The following LRBA variants were observed in gnomAD, a reference collection of about 807,000 sequenced individuals.
LRBA encodes the protein lipopolysaccharide-responsive and beige-like anchor protein.
In LRBA, 176 loss-of-function variants were observed where a neutral mutation model predicts 330.0. The ratio of observed to expected loss-of-function variants is 0.53; its 90% CI spans 0.47 to 0.60. The LOEUF (loss-of-function observed/expected upper bound fraction) is 0.60, where lower values mean the gene tolerates loss of function less well. Ranked by LOEUF, LRBA falls within the 20% of genes least tolerant of loss-of-function variation. LRBA has a pLI of 0.00. For missense variants in LRBA, 3,259 were observed against 3,444.8 expected, an observed-to-expected ratio of 0.95 and a Z score of 1.35; for synonymous variants, 1,230 against 1,193.0, an observed-to-expected ratio of 1.03 and a Z score of -0.64.
chr4:150,440,731 G>C (rs1279977515), intron 44 of LRBA, among the ~76,000 whole-genome samples: 2 of 152,060 alleles, frequency 1.3e-5, no homozygotes, highest in Admixed American at 6.6e-5. Flanking sequence ...ACTGTACTCA[G>C]CCTGGGTGAC....
chr4:150,325,988 C>T (rs1186060906), intron 48 of LRBA, 90 bp from the exon 49 acceptor site: 2 of 764,744 alleles, frequency 2.6e-6, no homozygotes, highest in African/African-American at 3.4e-5. Context: ...TCATTCCATA[C>T]TCTGGCTTGT....
intron 34 of LRBA, among the ~76,000 whole-genome samples, chr4:150,770,817 G>A (rs747909701): frequency 2.2e-4 from 33 of 152,264 alleles, no homozygotes; most frequent in Non-Finnish European, 4.3e-4. Context: ...GGTCTGGGCT[G>A]CTTTAGTAGT....
At chr4:150,824,559 T>C (rs1221437878) in intron 30 of LRBA, among the ~76,000 whole-genome samples, 1 of 152,192 alleles carries the variant, frequency 6.6e-6, no homozygotes, top group Non-Finnish European at 1.5e-5. Context: ...CTGTTCTTTA[T>C]GGCTTTTTAT....
At chr4:150,485,325 G>C (rs1001077852) in intron 42 of LRBA, among the ~76,000 whole-genome samples, 1 of 151,844 alleles carries the variant, frequency 6.6e-6, no homozygotes, top group African/African-American at 2.4e-5. Context: ...TGATGAACTG[G>C]CTCTTTTATC....
chr4:151,013,556 T>C (rs929200017), intron 2 of LRBA: 2 of 152,196 alleles, frequency 1.3e-5, no homozygotes, highest in Admixed American at 6.5e-5. Flanking sequence ...ATATGAATTA[T>C]ACCTCAATTT....
chr4:150,384,503 C>A (rs1581169253), intron 47 of LRBA, among the ~76,000 whole-genome samples: 1 of 152,154 alleles, frequency 6.6e-6, no homozygotes, highest in African/African-American at 2.4e-5. Flanking sequence ...GTGGCTGACT[C>A]CTAGTTAAGG....
At chr4:150,897,590 C>A in intron 15 of LRBA, 149 bp downstream of exon 15, 1 of 584,972 alleles carries the variant, frequency 1.7e-6, no homozygotes, top group Non-Finnish European at 3.0e-6. Context: ...CAAAAAAGAA[C>A]CAAAACAAAC....
At chr4:150,991,106 T>G (rs932993842) in intron 2 of LRBA, among the ~76,000 whole-genome samples, 7 of 141,702 alleles carry the variant, frequency 4.9e-5, no homozygotes, top group Admixed American at 2.8e-4. Flanking sequence ...AAGAGGAGGA[T>G]GAAGAGGAGG....
chr4:151,006,051 G>A (rs1258602041), intron 2 of LRBA, among the ~76,000 whole-genome samples: 2 of 152,130 alleles, frequency 1.3e-5, no homozygotes, highest in African/African-American at 2.4e-5. Flanking sequence ...TTGCGGAAAA[G>A]AATAATAGGG....
intron 2 of LRBA, among the ~76,000 whole-genome samples, chr4:151,004,163 A>C (rs1743744034): frequency 6.6e-6 from 1 of 152,134 alleles, no homozygotes. Context: ...CGGCCTCCCA[A>C]GTAGCTGAGA....
At chr4:150,364,030 T>G (rs1739084378) in intron 47 of LRBA, among the ~76,000 whole-genome samples, 1 of 152,212 alleles carries the variant, frequency 6.6e-6, no homozygotes, top group Non-Finnish European at 1.5e-5. Context: ...TGAGGTAGAA[T>G]GATTACATGG....
intron 40 of LRBA, among the ~76,000 whole-genome samples, chr4:150,516,098 G>A (rs1762307234): frequency 6.6e-6 from 1 of 150,952 alleles, no homozygotes; most frequent in African/African-American, 2.4e-5. Flanking sequence ...GTCAATAAAA[G>A]GATGAAAACA....
At chr4:150,346,627 T>C (rs532698797) in intron 48 of LRBA, among the ~76,000 whole-genome samples, 6 of 151,402 alleles carry the variant, frequency 4.0e-5, no homozygotes, top group African/African-American at 1.5e-4. Flanking sequence ...GGCATGGTGG[T>C]GCATGCCTGT....
At chr4:150,620,087 G>A (rs116687650) in intron 37 of LRBA, among the ~76,000 whole-genome samples, 2,098 of 152,070 alleles carry the variant, frequency 0.014, 18 homozygotes, top group Middle Eastern at 0.051. Context: ...GATTAAAAAC[G>A]TTAATGTTTC....
chr4:150,726,448 G>A (rs917549886), intron 36 of LRBA, among the ~76,000 whole-genome samples: 4 of 152,108 alleles, frequency 2.6e-5, no homozygotes, highest in African/African-American at 4.8e-5. Flanking sequence ...AGGATATAAC[G>A]ATTGTAAATA....
At chr4:150,738,094 G>A (rs111276321) in intron 35 of LRBA, among the ~76,000 whole-genome samples, 9 of 149,534 alleles carry the variant, frequency 6.0e-5, no homozygotes, top group African/African-American at 9.9e-5. Context: ...GGGTTCAAGC[G>A]ATTCTCCTGC....
intron 44 of LRBA, among the ~76,000 whole-genome samples, chr4:150,442,594 AG>A (rs1751985559): frequency 6.6e-6 from 1 of 152,184 alleles, no homozygotes; most frequent in Non-Finnish European, 1.5e-5. Flanking sequence ...GTACTGAAGA[AG>A]GTGCATGCAA....
At chr4:150,639,753 A>AGATGTG in intron 37 of LRBA, among the ~76,000 whole-genome samples, 1 of 26,386 alleles carries the variant, frequency 3.8e-5, no homozygotes, top group African/African-American at 1.5e-4. Context: ...ATATATATAT[A>AGATGTG]TATATATATA....
intron 28 of LRBA, among the ~76,000 whole-genome samples, chr4:150,832,606 GCAAT>G: frequency 6.6e-6 from 1 of 152,072 alleles, no homozygotes; most frequent in Non-Finnish European, 1.5e-5. Context: ...TCTCAATCAA[GCAAT>G]CAATCAATAA....
Sources: gnomAD v4.1 joint callset for allele counts (sites outside exome capture counted in the v4.1 genomes callset) on GRCh38, gnomAD v4.1.1 for gene constraint, MANE v1.5 for transcripts, NCBI Gene and HGNC (gene_info 2026-07-23, HGNC 2026-07-21) for gene names.